The following COX7A2L variants were observed in gnomAD, a reference collection of about 807,000 sequenced individuals.
COX7A2L encodes cytochrome c oxidase subunit 7A2-like, mitochondrial.
COX7A2L carries 18 observed loss-of-function variants against 14.2 expected under a neutral mutation model. That is an observed-to-expected ratio of 1.27 (90% CI 0.88 to 1.88). COX7A2L has a LOEUF of 1.88. Among genes scored for constraint, COX7A2L ranks in the 40% most tolerant of loss-of-function variants. COX7A2L has a pLI of 0.00. For missense variants in COX7A2L, 179 were observed against 138.8 expected (o/e 1.29, Z -1.46); for synonymous variants, 65 against 57.4 (o/e 1.13, Z -0.60).
At chr2:42,364,740 T>C (rs117078643), upstream of COX7A2L, among the ~76,000 whole-genome samples, 32 of 152,316 alleles carry the variant, frequency 2.1e-4, no homozygotes, top group East Asian at 6.0e-3. Context: ...TAAAGCATGG[T>C]GTTTTCATAG....
chr2:42,340,286 G>GC (rs1293088128), intron 2 of COX7A2L, among the ~76,000 whole-genome samples: 2 of 152,098 alleles, frequency 1.3e-5, no homozygotes, highest in African/African-American at 4.8e-5. Flanking sequence ...AGTTCACTCT[G>GC]CCTTCCTCGC....
At position 42,361,192 on chromosome 2, in the gene COX7A2L, T is replaced by C. The variant is rs1041709217; in HGVS notation, c.-31A>G. On this transcript the variant is annotated 5_prime_UTR_variant, in exon 1 of 3. Transcript: ENST00000234301. ...CCAGAGTCCGGCTTCCCGCATCCGC[T>C]GCCAACGCGACCGCCCCAGAGAAGG... 6.3e-7 allele frequency: 1 copy of C among 1,578,126 alleles called. No individual in the cohort carries two copies. The highest frequency in any genetic ancestry group is 8.6e-7 in the Non-Finnish European group (1 of 1,158,612).
upstream of COX7A2L, among the ~76,000 whole-genome samples, chr2:42,365,345 G>A (rs141370151): frequency 1.3e-5 from 2 of 152,154 alleles, no homozygotes; most frequent in Non-Finnish European, 2.9e-5. Context: ...ATACAAAGTC[G>A]GTTGGGCACG....
intron 1 of COX7A2L, among the ~76,000 whole-genome samples, chr2:42,367,815 A>C (rs1396334585): frequency 1.3e-5 from 2 of 152,248 alleles, no homozygotes; most frequent in Non-Finnish European, 2.9e-5. Context: ...GGAGAGCCCA[A>C]TGCAGACAGG....
chr2:42,357,065 A>G (rs1382946540), intron 1 of COX7A2L, among the ~76,000 whole-genome samples: 2 of 152,260 alleles, frequency 1.3e-5, no homozygotes, highest in Non-Finnish European at 2.9e-5. Context: ...TTTAGTAATT[A>G]AGTTCTTCCT....
chr2:42,368,659 C>T (rs762238984), intron 1 of COX7A2L, among the ~76,000 whole-genome samples: 3 of 152,182 alleles, frequency 2.0e-5, no homozygotes, highest in Admixed American at 2.0e-4. Flanking sequence ...ATGATATCTA[C>T]TTTGTGAGGA....
At chr2:42,343,334 G>C (rs1432678414) in intron 2 of COX7A2L, among the ~76,000 whole-genome samples, 1 of 152,246 alleles carries the variant, frequency 6.6e-6, no homozygotes, top group African/African-American at 2.4e-5. Context: ...GAGGTGGAGA[G>C]ACACCCTGAA....
Position 42,361,165 on chromosome 2 carries a change from G to A in COX7A2L, c.-4C>T, listed in dbSNP as rs1438791627. 8.1e-6 allele frequency: 13 copies of A among 1,609,264 alleles called. No homozygotes were observed. Among genetic ancestry groups the A allele is most frequent in the African/African-American group, 5.3e-5 (4 of 74,800 alleles). On this transcript the variant is annotated 5_prime_UTR_variant, in exon 1 of 3. Transcript: ENST00000234301. ...AGCCACTAAACTTGTAGTACATGAC[G>A]CCCAGAGTCCGGCTTCCCGCATCCG...
At chr2:42,359,408 C>T (rs1163030495) in intron 1 of COX7A2L, 1 of 152,238 alleles carries the variant, frequency 6.6e-6, no homozygotes, top group Non-Finnish European at 1.5e-5. Context: ...TGTGGTTATA[C>T]AGTACATGGG....
chr2:42,338,569 A>T lies in COX7A2L; in HGVS notation c.193-4700T>A, dbSNP rs555099173. On this transcript the variant is annotated intron_variant, in intron 2 of 2. Coordinates refer to the COX7A2L transcript ENST00000468711. This position sits in a 1 kb window ranked among gnomAD's most constrained non-coding sequence, Gnocchi z 4.4. ...AGGCTTGGACATTTCCATGGAGAAG[A>T]TGATTAATTATGAACCAAGAATCCC... Among the ~76,000 whole-genome samples the T allele has an allele frequency of 3.9e-5, 6 of 152,184 alleles. No homozygotes were observed. The highest frequency in any genetic ancestry group is 7.4e-5 in the Non-Finnish European group (5 of 68,024).
At chr2:42,352,872 G>A (rs182936875) in intron 2 of COX7A2L, 62 of 309,976 alleles carry the variant, frequency 2.0e-4, no homozygotes, top group African/African-American at 1.1e-3. Context: ...CATGTGTCAC[G>A]AAGTCAAATA....
chr2:42,360,933 C>T (rs1671010760), intron 1 of COX7A2L, 157 bp downstream of exon 1: 2 of 736,606 alleles, frequency 2.7e-6, no homozygotes, highest in Non-Finnish European at 4.7e-6. Flanking sequence ...CAGTGACCAC[C>T]GTACGCTGGT....
intron 2 of COX7A2L, among the ~76,000 whole-genome samples, chr2:42,335,662 T>A (rs1265620815): frequency 4.6e-5 from 7 of 152,234 alleles, no homozygotes. Flanking sequence ...GCCGACTGGC[T>A]GAGTTACGAG....
In COX7A2L at chr2:42,351,346, A is replaced by C. The variant is rs751713037; in HGVS notation, c.218T>G (p.Val73Gly). 2 of 1,613,998 alleles carry C rather than the reference A, an allele frequency of 1.2e-6. No individual in the cohort carries two copies. Among genetic ancestry groups the C allele is most frequent in the Non-Finnish European group, 1.7e-6 (2 of 1,180,014 alleles). Residue 73 changes from valine to glycine, a missense_variant, in exon 3 of 3, where the codon GTG becomes GGG. By Grantham distance (109) the Val-to-Gly change is moderately radical (BLOSUM62 -3). Transcript: ENST00000234301. ...LQKFFQKADG[V>G]PVYLKRGLPD... is the part of the protein sequence containing the mutation. ...CAGGCCTCGTTTCAGGTAGACGGGC[A>C]CACCATCAGCTTTCTTGAAAGCAAG...
intron 1 of COX7A2L, among the ~76,000 whole-genome samples, chr2:42,367,130 T>C (rs1379085532): frequency 6.6e-6 from 1 of 152,262 alleles, no homozygotes; most frequent in African/African-American, 2.4e-5. Context: ...GGCATTTCTT[T>C]AAGTTTCTGC....
chr2:42,348,774 T>G (rs6726124), downstream of COX7A2L, among the ~76,000 whole-genome samples: 1 of 151,692 alleles, frequency 6.6e-6, no homozygotes, highest in Admixed American at 6.6e-5. Context: ...AACAATTAGC[T>G]GGGCATGGTG....
chr2:42,355,908 T>A (rs1319307813), intron 1 of COX7A2L, among the ~76,000 whole-genome samples: 1 of 152,078 alleles, frequency 6.6e-6, no homozygotes, highest in South Asian at 2.1e-4. Flanking sequence ...GTATTTTTCA[T>A]AGAGACTGGG....
At chr2:42,335,726 C>T (rs944465131) in intron 2 of COX7A2L, among the ~76,000 whole-genome samples, 10 of 152,232 alleles carry the variant, frequency 6.6e-5, no homozygotes, top group Admixed American at 5.2e-4. Context: ...GCCATGCTCG[C>T]TTGCTGTAGG....
At chr2:42,358,975 T>TG (rs1368725934) in intron 1 of COX7A2L, 1 of 152,012 alleles carries the variant, frequency 6.6e-6, no homozygotes, top group African/African-American at 2.4e-5. Context: ...AAAAAATATT[T>TG]TAAAAAAATA....
Sources: gnomAD v4.1 joint callset for allele counts (sites outside exome capture counted in the v4.1 genomes callset) on GRCh38, gnomAD v4.1.1 for gene constraint, Gnocchi (gnomAD v3.1) non-coding constraint, MANE v1.5 for transcripts, NCBI Gene and HGNC (gene_info 2026-07-23, HGNC 2026-07-21) for gene names.